TNFSF4: variants seen among roughly 807,000 people sequenced by gnomAD.
TNFSF4 encodes TNF superfamily member 4, also known as tumor necrosis factor ligand superfamily member 4.
In TNFSF4, 4 loss-of-function variants were observed where a neutral mutation model predicts 7.3. The observed-to-expected ratio is 0.55, with a 90% CI of 0.27 to 1.25. TNFSF4 has a LOEUF of 1.25. Ranked by LOEUF, TNFSF4 falls within the 50% of genes most tolerant of loss-of-function variation. TNFSF4 has a pLI of 0.12. For missense variants in TNFSF4, 181 were observed against 208.8 expected, an observed-to-expected ratio of 0.87 and a Z score of 0.82; for synonymous variants, 76 against 83.7, an observed-to-expected ratio of 0.91 and a Z score of 0.50.
chr1:173,349,024 T>TTTA, the TNFSF4 span, among the ~76,000 whole-genome samples: 12 of 151,968 alleles, frequency 7.9e-5, no homozygotes, highest in East Asian at 3.9e-4. Context: ...CTTGCTTGTT[T>TTTA]TTATTATTAT....
At chr1:173,362,213 G>C in the TNFSF4 span, among the ~76,000 whole-genome samples, 2 of 152,184 alleles carry the variant, frequency 1.3e-5, no homozygotes, top group African/African-American at 2.4e-5. Flanking sequence ...TGGTTAACAG[G>C]CTGTTAAGGA....
chr1:173,201,686 A>G (rs545181915), intron 1 of TNFSF4, among the ~76,000 whole-genome samples: 19 of 152,312 alleles, frequency 1.2e-4, no homozygotes, highest in Non-Finnish European at 2.1e-4. Flanking sequence ...TTATACTTCA[A>G]TGAGTCCTCC....
At chr1:173,306,861 G>GC in the TNFSF4 span, among the ~76,000 whole-genome samples, 1 of 151,826 alleles carries the variant, frequency 6.6e-6, no homozygotes, top group African/African-American at 2.4e-5. Context: ...CCCTGACTCT[G>GC]CCCCAAGTCA....
chr1:173,282,430 A>C, the TNFSF4 span, among the ~76,000 whole-genome samples: 2 of 151,942 alleles, frequency 1.3e-5, no homozygotes, highest in East Asian at 3.9e-4. Flanking sequence ...TATGAATAAT[A>C]TGGATAGAAT....
chr1:173,381,379 T>C, the TNFSF4 span, among the ~76,000 whole-genome samples: 1 of 152,200 alleles, frequency 6.6e-6, no homozygotes, highest in Non-Finnish European at 1.5e-5. Context: ...AGACAATGCC[T>C]CTCAAACTCT....
chr1:173,230,976 C>T, the TNFSF4 span, among the ~76,000 whole-genome samples: 5 of 152,066 alleles, frequency 3.3e-5, no homozygotes, highest in Non-Finnish European at 5.9e-5. Flanking sequence ...CAAAAAAAGC[C>T]CAGCACCAGA....
At chr1:173,388,063 A>C in the TNFSF4 span, among the ~76,000 whole-genome samples, 13 of 152,326 alleles carry the variant, frequency 8.5e-5, no homozygotes, top group Non-Finnish European at 1.5e-4. Flanking sequence ...AGCACCTTTC[A>C]CATTGGTTCA....
chr1:173,413,584 C>T, the TNFSF4 span, among the ~76,000 whole-genome samples: 32 of 152,276 alleles, frequency 2.1e-4, no homozygotes, highest in East Asian at 5.8e-3. Context: ...AGAGTCTAGT[C>T]CAGCAGTGTC....
At chr1:173,377,046 C>T in the TNFSF4 span, among the ~76,000 whole-genome samples, 1 of 152,184 alleles carries the variant, frequency 6.6e-6, no homozygotes, top group Non-Finnish European at 1.5e-5. Context: ...CACATCTGAA[C>T]ATCTGAAGGA....
the TNFSF4 span, among the ~76,000 whole-genome samples, chr1:173,382,359 T>G: frequency 6.6e-6 from 1 of 152,244 alleles, no homozygotes; most frequent in African/African-American, 2.4e-5. Flanking sequence ...ACACCATCTT[T>G]AGGAACTCTA....
At chr1:173,386,018 A>T in the TNFSF4 span, among the ~76,000 whole-genome samples, 1 of 152,202 alleles carries the variant, frequency 6.6e-6, no homozygotes, top group Admixed American at 6.5e-5. Context: ...GTCAAATGTT[A>T]TTCATCAAGA....
At chr1:173,450,707 T>C in the TNFSF4 span, among the ~76,000 whole-genome samples, 1 of 135,332 alleles carries the variant, frequency 7.4e-6, no homozygotes, top group South Asian at 2.3e-4. Context: ...AGAAAAAGTT[T>C]AGAATAAATT....
chr1:173,311,270 A>G, the TNFSF4 span, among the ~76,000 whole-genome samples: 1 of 151,998 alleles, frequency 6.6e-6, no homozygotes, highest in African/African-American at 2.4e-5. Context: ...AGGAAACAGA[A>G]ATCATACAGC....
At chr1:173,390,737 C>CTTTTTTTTTTTT in the TNFSF4 span, among the ~76,000 whole-genome samples, 2 of 131,598 alleles carry the variant, frequency 1.5e-5, no homozygotes, top group Non-Finnish European at 3.1e-5. Context: ...CATTCTGCTT[C>CTTTTTTTTTTTT]TTTTTTTTTT....
chr1:173,332,821 G>A, the TNFSF4 span, among the ~76,000 whole-genome samples: 1 of 152,190 alleles, frequency 6.6e-6, no homozygotes, highest in African/African-American at 2.4e-5. Context: ...ACTCCAGCCT[G>A]GGTGACAGAG....
chr1:173,392,407 T>A, the TNFSF4 span, among the ~76,000 whole-genome samples: 1 of 152,188 alleles, frequency 6.6e-6, no homozygotes, highest in Non-Finnish European at 1.5e-5. Flanking sequence ...GCCCTATCCC[T>A]ACCCCCAAAC....
At chr1:173,255,426 C>A in the TNFSF4 span, among the ~76,000 whole-genome samples, 1 of 152,188 alleles carries the variant, frequency 6.6e-6, no homozygotes, top group Non-Finnish European at 1.5e-5. Flanking sequence ...CTCCCCATCT[C>A]CTTTCTTTCC....
intron 1 of TNFSF4, among the ~76,000 whole-genome samples, chr1:173,191,752 C>T (rs1649489048): frequency 6.6e-6 from 1 of 152,178 alleles, no homozygotes; most frequent in Non-Finnish European, 1.5e-5. Flanking sequence ...CATTTCTTCG[C>T]TTTAGCCTTT....
At chr1:173,274,846 T>C in the TNFSF4 span, among the ~76,000 whole-genome samples, 7 of 152,150 alleles carry the variant, frequency 4.6e-5, no homozygotes, top group African/African-American at 1.7e-4. Flanking sequence ...GAGTACCTTA[T>C]TTTTGATACA....
Sources: allele counts gnomAD v4.1 joint callset (sites outside exome capture counted in the v4.1 genomes callset), GRCh38; gene constraint gnomAD v4.1.1; transcripts MANE v1.5; gene names NCBI Gene and HGNC (gene_info 2026-07-23, HGNC 2026-07-21).